The following AXDND1 variants were observed in gnomAD, a reference collection of about 807,000 sequenced individuals.
AXDND1 encodes the protein axonemal dynein light chain domain containing 1.
A neutral mutation model predicts 137.5 loss-of-function variants in AXDND1; 110 were observed. The ratio of observed to expected loss-of-function variants is 0.80; its 90% CI spans 0.69 to 0.94. The LOEUF is 0.94. Ranked by LOEUF, AXDND1 falls within the 40% of genes least tolerant of loss-of-function variation. AXDND1 has a pLI of 0.00. For missense variants in AXDND1, 1,191 were observed against 1,169.8 expected (o/e 1.02, Z -0.26); for synonymous variants, 414 against 399.7 (o/e 1.04, Z -0.43).
chr1:179,437,822 A>G lies in AXDND1; in HGVS notation c.1563+5480A>G, dbSNP rs530707056. On this transcript the variant is annotated intron_variant, in intron 15 of 25. Coordinates refer to ENST00000367618, the MANE Select transcript of AXDND1 (RefSeq NM_144696.6). ...AAGGCTGAAATTCTTGAGTTTACCT[A>G]TTTAAATCAAGAATTTTGTTTTGCA... Among the ~76,000 whole-genome samples the G allele has an allele frequency of 1.6e-4, 24 of 152,302 alleles. 1 individual carries two copies. The South Asian group carries it at 4.6e-3, about 29-fold the overall frequency.
At chr1:179,453,768 C>T (rs1178397500) in intron 16 of AXDND1, 1 of 147,710 alleles carries the variant, frequency 6.8e-6, no homozygotes, top group Non-Finnish European at 1.5e-5. Context: ...CCGTTGCACT[C>T]CAGCCTGGGC....
chr1:179,489,983 A>G (rs1666689928), intron 18 of AXDND1, among the ~76,000 whole-genome samples: 1 of 152,022 alleles, frequency 6.6e-6, no homozygotes, highest in African/African-American at 2.4e-5. Context: ...TGACCTCGTG[A>G]TCCACCTGCC....
intron 12 of AXDND1, among the ~76,000 whole-genome samples, chr1:179,425,145 T>G (rs1342440918): frequency 6.6e-6 from 1 of 152,232 alleles, no homozygotes; most frequent in African/African-American, 2.4e-5. Flanking sequence ...TATTCTAATC[T>G]TCTCTGTCTG....
At chr1:179,439,924 C>T (rs1042067031) in intron 15 of AXDND1, among the ~76,000 whole-genome samples, 3 of 152,218 alleles carry the variant, frequency 2.0e-5, no homozygotes, top group Non-Finnish European at 4.4e-5. Flanking sequence ...CTTGTCCCTA[C>T]GTCAGTAAAT....
At chr1:179,374,093 A>G (rs1571524611) in intron 4 of AXDND1, among the ~76,000 whole-genome samples, 3 of 152,208 alleles carry the variant, frequency 2.0e-5, no homozygotes, top group Admixed American at 1.3e-4. Flanking sequence ...ACAAAGTGCT[A>G]ATATCCAGAA....
intron 17 of AXDND1, among the ~76,000 whole-genome samples, chr1:179,470,649 G>C (rs1558230032): frequency 2.0e-5 from 3 of 151,962 alleles, no homozygotes; most frequent in African/African-American, 7.2e-5. Context: ...AAACCTTACT[G>C]AATTCATTTA....
At chr1:179,502,751 CAGTATACTAGA>C (rs1668135836) in intron 20 of AXDND1, among the ~76,000 whole-genome samples, 1 of 151,710 alleles carries the variant, frequency 6.6e-6, no homozygotes, top group Non-Finnish European at 1.5e-5. Context: ...ATTCATCTGT[CAGTATACTAGA>C]TAAGCTCTTA....
chr1:179,432,704 G>A (rs1256050434), intron 15 of AXDND1, among the ~76,000 whole-genome samples: 1 of 152,124 alleles, frequency 6.6e-6, no homozygotes, highest in Non-Finnish European at 1.5e-5. Context: ...GGGATTACAG[G>A]TGTGAGTCAC....
intron 17 of AXDND1, among the ~76,000 whole-genome samples, chr1:179,481,507 G>C (rs919276192): frequency 6.6e-6 from 1 of 152,152 alleles, no homozygotes; most frequent in Admixed American, 6.5e-5. Flanking sequence ...CCCAGTAATG[G>C]GATGGCTGGG....
chr1:179,377,738 A>G (rs954374408), intron 4 of AXDND1, among the ~76,000 whole-genome samples: 3 of 152,248 alleles, frequency 2.0e-5, no homozygotes, highest in African/African-American at 7.2e-5. Context: ...TGGCAGTGGT[A>G]ATCACCATCA....
At chr1:179,545,520 A>G (rs930605602) in intron 25 of AXDND1, 1 of 152,134 alleles carries the variant, frequency 6.6e-6, no homozygotes, top group Non-Finnish European at 1.5e-5. Context: ...GGCCCAAATG[A>G]CAGACGAGCT....
intron 25 of AXDND1, chr1:179,549,027 A>G (rs1025561199): frequency 6.6e-6 from 1 of 152,156 alleles, no homozygotes; most frequent in Non-Finnish European, 1.5e-5. Flanking sequence ...TCTCAGGGGC[A>G]TGTCATTTTG....
At chr1:179,500,943 A>T (rs1299464981) in intron 20 of AXDND1, among the ~76,000 whole-genome samples, 1 of 152,178 alleles carries the variant, frequency 6.6e-6, no homozygotes, top group Non-Finnish European at 1.5e-5. Context: ...AAGTACTGGG[A>T]TTACAGGTGT....
In AXDND1 at chr1:179,495,064, A is replaced by G. The variant is rs745461160; in HGVS notation, c.2388+2113A>G. Reference sequence around the variant, plus strand: ...ACATTCTGTTGTGTTCTGTTGATCCATTTGTCAACATTGTCACCGTCTCCA... The same window carrying G: ...ACATTCTGTTGTGTTCTGTTGATCCGTTTGTCAACATTGTCACCGTCTCCA... On this transcript the variant is annotated intron_variant, in intron 20 of 25. Coordinates refer to ENST00000367618, the MANE Select transcript of AXDND1 (RefSeq NM_144696.6). 2.6e-5 allele frequency among the ~76,000 whole-genome samples: 4 copies of G among 152,182 alleles called. No individual in the cohort carries two copies. In the South Asian group the frequency reaches 8.3e-4, roughly 32 times the overall value.
At chr1:179,517,420 T>C (rs955287585) in intron 21 of AXDND1, among the ~76,000 whole-genome samples, 1 of 152,218 alleles carries the variant, frequency 6.6e-6, no homozygotes, top group Non-Finnish European at 1.5e-5. Flanking sequence ...CTTCCCCCTG[T>C]GGAGTCTGTA....
At chr1:179,491,462 T>C (rs1666887798) in intron 18 of AXDND1, 76 bp from the exon 19 acceptor site, 1 of 1,010,570 alleles carries the variant, frequency 9.9e-7, no homozygotes, top group Non-Finnish European at 1.5e-6. Context: ...ATCATTTCTA[T>C]TTTAAAATTT....
intron 6 of AXDND1, among the ~76,000 whole-genome samples, chr1:179,382,439 G>A (rs1263438425): frequency 3.3e-5 from 5 of 152,136 alleles, no homozygotes; most frequent in Non-Finnish European, 5.9e-5. Flanking sequence ...CTGCTCCTTT[G>A]AGCTTTCTCT....
chr1:179,396,247 A>G (rs1385052522), intron 11 of AXDND1, among the ~76,000 whole-genome samples: 1 of 151,984 alleles, frequency 6.6e-6, no homozygotes, highest in African/African-American at 2.4e-5. Context: ...GTATCTCTAT[A>G]TATCTCCATT....
chr1:179,459,984 TTTCTTTCC>T (rs1228092211), intron 16 of AXDND1, among the ~76,000 whole-genome samples: 3 of 143,078 alleles, frequency 2.1e-5, no homozygotes, highest in African/African-American at 5.2e-5. Context: ...TTTTTCTTTC[TTTCTTTCC>T]TTCCTTCCTT....
Sources: gnomAD v4.1 joint callset for allele counts (sites outside exome capture counted in the v4.1 genomes callset) on GRCh38, gnomAD v4.1.1 for gene constraint, MANE v1.5 for transcripts, NCBI Gene and HGNC (gene_info 2026-07-23, HGNC 2026-07-21) for gene names.